DHX32: variants seen among roughly 807,000 people sequenced by gnomAD.
DHX32 encodes DEAH-box helicase 32 (putative).
In DHX32, 51 loss-of-function variants were observed where a neutral mutation model predicts 70.0. That is an observed-to-expected ratio of 0.73 (90% CI 0.58 to 0.92). The LOEUF (loss-of-function observed/expected upper bound fraction) is 0.92. Ranked by LOEUF, DHX32 falls within the 40% of genes least tolerant of loss-of-function variation. DHX32 has a pLI of 0.00. For missense variants in DHX32, 762 were observed against 891.8 expected (o/e 0.85, Z 1.85); for synonymous variants, 310 against 315.3 (o/e 0.98, Z 0.18).
At chr10:125,865,393 C>T (rs1944214688) in intron 2 of DHX32, among the ~76,000 whole-genome samples, 1 of 152,204 alleles carries the variant, frequency 6.6e-6, no homozygotes, top group African/African-American at 2.4e-5. Flanking sequence ...GGTAATATAT[C>T]TTCAAGAAGT....
chr10:125,853,309 T>C, intron 4 of DHX32: 1 of 891,120 alleles, frequency 1.1e-6, no homozygotes, highest in South Asian at 2.6e-5. Context: ...CACCTAGTAA[T>C]GGTAAATTAG....
intron 1 of DHX32, among the ~76,000 whole-genome samples, chr10:125,873,289 T>C (rs1944266290): frequency 1.3e-5 from 2 of 152,166 alleles, no homozygotes; most frequent in Non-Finnish European, 2.9e-5. Flanking sequence ...AACTATAATT[T>C]AATATAGTTA....
chr10:125,840,814 G>A (rs775006671), intron 8 of DHX32, 33 bp downstream of exon 8: 4 of 1,537,424 alleles, frequency 2.6e-6, no homozygotes, highest in Non-Finnish European at 2.6e-6. Context: ...AAGGAAGGTG[G>A]AATTAATAGG....
chr10:125,889,897 G>A (rs1395489356), intron 1 of DHX32, among the ~76,000 whole-genome samples: 3 of 152,286 alleles, frequency 2.0e-5, no homozygotes, highest in Admixed American at 6.5e-5. Flanking sequence ...ATGAGGAAAT[G>A]TAAACCTTCA....
intron 3 of DHX32, among the ~76,000 whole-genome samples, chr10:125,858,633 C>T (rs1234351410): frequency 2.0e-5 from 3 of 152,194 alleles, no homozygotes; most frequent in Non-Finnish European, 1.5e-5. Flanking sequence ...TGACAGACAG[C>T]TGAGCCACTT....
rs376426339 is a variant in DHX32, at chr10:125,866,165, C to T, written c.476+825G>A. On this transcript the variant is annotated intron_variant, in intron 2 of 10. Transcript: ENST00000284690. The surrounding 1 kb of genome is among the most constrained non-coding windows in gnomAD (Gnocchi z 4.8). ...GATGGTCAACTCTGGCTCCAGGCAG[C>T]TGTGACCATTTCCTTGCGGTACTGT... Among the ~76,000 whole-genome samples the T allele has an allele frequency of 2.0e-5, 3 of 152,230 alleles. No individual in the cohort carries two copies. In the East Asian group the frequency reaches 5.8e-4, roughly 29 times the overall value.
At chr10:125,841,664 T>C in intron 7 of DHX32, 79 bp downstream of exon 7, 5 of 1,541,214 alleles carry the variant, frequency 3.2e-6, no homozygotes, top group Non-Finnish European at 4.3e-6. Flanking sequence ...CCTCAAAATA[T>C]AATTTCAAAT....
chr10:125,890,534 A>T (rs4019647), intron 1 of DHX32: 41 of 64,654 alleles, frequency 6.3e-4, no homozygotes, highest in African/African-American at 2.0e-3. Context: ...TTAGCTTTTT[A>T]AAAATAAAAA....
intron 4 of DHX32, chr10:125,853,133 C>A (rs375172899): frequency 6.2e-7 from 1 of 1,607,066 alleles, no homozygotes; most frequent in South Asian, 1.1e-5. Flanking sequence ...AGGTGGTTCA[C>A]GGGGGCAAGT....
intron 1 of DHX32, chr10:125,890,824 C>CT (rs1944366398): frequency 1.3e-5 from 2 of 152,140 alleles, no homozygotes; most frequent in Non-Finnish European, 2.9e-5. Flanking sequence ...TAATCCCATC[C>CT]TTTTGGGAGG....
At chr10:125,848,417 T>C (rs1008838450) in intron 6 of DHX32, among the ~76,000 whole-genome samples, 1 of 152,234 alleles carries the variant, frequency 6.6e-6, no homozygotes, top group Non-Finnish European at 1.5e-5. Context: ...GCAGACACTC[T>C]ACCCTAATTT....
Position 125,836,538 on chromosome 10 carries a change from T to G in DHX32, c.*149A>C, listed in dbSNP as rs1022331659. On this transcript the variant is annotated 3_prime_UTR_variant, in exon 11 of 11. Coordinates refer to ENST00000284690, the MANE Select transcript of DHX32 (RefSeq NM_018180.3). Reference sequence around the variant, plus strand: ...AGAACTCAATAAAAACTTCTATTTTTTATTTTAAAATAATATACACAGTGT... The same window carrying G: ...AGAACTCAATAAAAACTTCTATTTTGTATTTTAAAATAATATACACAGTGT... 17 of 1,337,428 alleles carry G rather than the reference T, an allele frequency of 1.3e-5. No homozygotes were observed. In the Admixed American group the frequency reaches 5.2e-4, roughly 41 times the overall value. 82.8% of individuals were successfully genotyped at this position (1,337,428 alleles called of 1,614,324 possible). A position where few individuals can be genotyped will look rare whatever the true frequency, so the allele number is the denominator to read the frequency against.
chr10:125,842,546 G>A (rs900755074), intron 6 of DHX32: 2 of 152,254 alleles, frequency 1.3e-5, no homozygotes, highest in African/African-American at 2.4e-5. Flanking sequence ...ACCTGACACA[G>A]CTATACAGCA....
In DHX32 at chr10:125,849,529, T is replaced by A. The variant is rs189501687; in HGVS notation, c.1351+2764A>T. Among the ~76,000 whole-genome samples, 436 of 152,336 alleles carry A rather than the reference T, an allele frequency of 2.9e-3. 4 individuals carry two copies. The highest frequency in any genetic ancestry group is 9.8e-3 in the African/African-American group (409 of 41,574). On this transcript the variant is annotated intron_variant, in intron 6 of 10. Coordinates refer to ENST00000284690, the MANE Select transcript of DHX32 (RefSeq NM_018180.3). ...AACTTTTGTGTAGCCTTTAAACAGA[T>A]AATAGTGTAACCTTCATTAACTTAA...
At chr10:125,864,338 T>C (rs936076520) in intron 2 of DHX32, among the ~76,000 whole-genome samples, 1 of 152,136 alleles carries the variant, frequency 6.6e-6, no homozygotes, top group African/African-American at 2.4e-5. Context: ...AGAAACAACC[T>C]GCAAAACCTG....
Position 125,852,542 on chromosome 10 carries a change from C to T in DHX32, c.1192+1G>A, listed in dbSNP as rs146463146. 7.4e-6 allele frequency: 12 copies of T among 1,613,300 alleles called. No individual in the cohort carries two copies. Among genetic ancestry groups the T allele is most frequent in the Non-Finnish European group, 9.3e-6 (11 of 1,179,656 alleles). On this transcript the variant is annotated splice_donor_variant, in intron 5 of 10. Coordinates refer to ENST00000284690, the MANE Select transcript of DHX32 (RefSeq NM_018180.3). LOFTEE classifies it high-confidence loss of function. ...TTTAGTATTTGTGTCCACAGCACTA[C>T]CTGAAGAAGATGAGCCAAGAATCTG...
chr10:125,893,344 C>T (rs896470472), intron 1 of DHX32, among the ~76,000 whole-genome samples: 35 of 152,254 alleles, frequency 2.3e-4, no homozygotes, highest in African/African-American at 3.1e-4. Context: ...CCCGGGTTCA[C>T]GCCATTCTCC....
At chr10:125,853,377 T>C (rs1174011440) in intron 4 of DHX32, 2 of 489,652 alleles carry the variant, frequency 4.1e-6, no homozygotes, top group Admixed American at 3.2e-5. Flanking sequence ...GAAGTCTCAG[T>C]GTCTTTCAGA....
chr10:125,869,603 G>A (rs1944244196), intron 1 of DHX32: 1 of 151,972 alleles, frequency 6.6e-6, no homozygotes, highest in African/African-American at 2.4e-5. Flanking sequence ...TTCTTTAGTA[G>A]AGACAGGGTC....
Sources: gnomAD v4.1 joint callset for allele counts (sites outside exome capture counted in the v4.1 genomes callset) on GRCh38, gnomAD v4.1.1 for gene constraint, Gnocchi (gnomAD v3.1) non-coding constraint, MANE v1.5 for transcripts, NCBI Gene and HGNC (gene_info 2026-07-23, HGNC 2026-07-21) for gene names.